ARHGAP32: variants seen among roughly 807,000 people sequenced by gnomAD.
The protein encoded by ARHGAP32 is Rho GTPase activating protein 32.
ARHGAP32 carries 51 observed loss-of-function variants against 186.5 expected under a neutral mutation model. The observed-to-expected ratio is 0.27, with a 90% CI of 0.22 to 0.35. The LOEUF (loss-of-function observed/expected upper bound fraction) is 0.35. ARHGAP32 is among the 10% of genes least tolerant of loss of function. The pLI, the probability that ARHGAP32 is intolerant of heterozygous loss-of-function variation, is 1.00. For synonymous variants in ARHGAP32, 950 were observed against 964.3 expected (o/e 0.99, Z 0.27); for missense variants, 2,186 against 2,623.5 (o/e 0.83, Z 3.64).
chr11:129,232,817 T>C (rs1944876427), intron 1 of ARHGAP32, among the ~76,000 whole-genome samples: 1 of 152,148 alleles, frequency 6.6e-6, no homozygotes, highest in Admixed American at 6.6e-5. Context: ...GAGACAGCAA[T>C]GCATGACCAG....
intron 2 of ARHGAP32, among the ~76,000 whole-genome samples, chr11:129,125,176 C>T (rs542787465): frequency 3.3e-5 from 5 of 151,964 alleles, no homozygotes; most frequent in South Asian, 2.1e-4. Flanking sequence ...TACCTCAATA[C>T]GAATTAAAAT....
At chr11:129,173,599 C>T (rs1021779256) in intron 1 of ARHGAP32, among the ~76,000 whole-genome samples, 1 of 152,198 alleles carries the variant, frequency 6.6e-6, no homozygotes. Flanking sequence ...AATCCAGCAG[C>T]ACATCAAAGA....
intron 1 of ARHGAP32, among the ~76,000 whole-genome samples, chr11:129,264,568 A>G (rs1176920894): frequency 1.3e-5 from 2 of 152,220 alleles, no homozygotes; most frequent in Non-Finnish European, 2.9e-5. Flanking sequence ...GATGTTTATC[A>G]TTTGGTGAAA....
At position 128,965,737 on chromosome 11, in the gene ARHGAP32, T is replaced by C. The variant is rs966374390; in HGVS notation, c.*3170A>G. On this transcript the variant is annotated 3_prime_UTR_variant, in exon 23 of 23. Transcript: ENST00000682385. Reference sequence around the variant, plus strand: ...AGCAGTACTTTGCCAACATCCTAAATGGGTGACTGACAGGGCTGAAAACAG... The same window carrying C: ...AGCAGTACTTTGCCAACATCCTAAACGGGTGACTGACAGGGCTGAAAACAG... The C allele has an allele frequency of 6.6e-6, 1 of 152,230 alleles. No individual in the cohort carries two copies. Among genetic ancestry groups the C allele is most frequent in the African/African-American group, 2.4e-5 (1 of 41,452 alleles). 9.4% of individuals were successfully genotyped at this position (152,230 alleles called of 1,614,324 possible).
In ARHGAP32 at chr11:128,970,083, C is replaced by G; in HGVS notation, c.5130G>C (p.Leu1710=). The change falls in exon 23 of 23, where the codon CTG becomes CTC. Residue 1710 remains leucine (L), a synonymous_variant. Coordinates refer to ENST00000682385, the MANE Select transcript of ARHGAP32 (RefSeq NM_001378024.1). This position sits in a 1 kb window ranked among gnomAD's most constrained non-coding sequence, Gnocchi z 5.8. ...NRDFAFYNPR[L]QGKSLYSYAG... ...CATAACTGTACAAGCTCTTTCCTTG[C>G]AGCCTAGGATTGTAGAAAGCAAAGT... 6.2e-7 allele frequency: 1 copy of G among 1,614,144 alleles called. No homozygotes were observed. Among genetic ancestry groups the G allele is most frequent in the Non-Finnish European group, 8.5e-7 (1 of 1,180,046 alleles).
chr11:129,234,307 T>G (rs891214983), intron 1 of ARHGAP32, among the ~76,000 whole-genome samples: 3 of 152,086 alleles, frequency 2.0e-5, no homozygotes, highest in Non-Finnish European at 4.4e-5. Flanking sequence ...ACACCAATAA[T>G]GTATATACTA....
Position 129,135,776 on chromosome 11 carries a change from C to A in ARHGAP32, c.226-10882G>T, listed in dbSNP as rs540332437. Among the ~76,000 whole-genome samples, 1,426 of 148,898 alleles carry A rather than the reference C, an allele frequency of 9.6e-3. 28 individuals are homozygous for A. Among genetic ancestry groups the A allele is most frequent in the African/African-American group, 0.033 (1,349 of 40,710 alleles). Reference sequence around the variant, plus strand: ...AGCGAGACTCCATCTCAAAAAAAAACAAACAAAAAAAGAATGTTGACCCAA... The same window carrying A: ...AGCGAGACTCCATCTCAAAAAAAAAAAAACAAAAAAAGAATGTTGACCCAA... On this transcript the variant is annotated intron_variant, in intron 2 of 22. Transcript: ENST00000682385.
At chr11:129,056,205 G>A (rs1412390926) in intron 10 of ARHGAP32, among the ~76,000 whole-genome samples, 1 of 152,066 alleles carries the variant, frequency 6.6e-6, no homozygotes, top group Non-Finnish European at 1.5e-5. Context: ...GAGTGGGCAG[G>A]GGTATTACAT....
At chr11:128,981,695 G>T in intron 16 of ARHGAP32, 134 bp from the exon 17 acceptor site, 2 of 1,164,816 alleles carry the variant, frequency 1.7e-6, no homozygotes, top group South Asian at 1.6e-5. Flanking sequence ...AGGCCCAGTT[G>T]CCTGTTTTAG....
Position 128,993,870 on chromosome 11 carries a change from T to G in ARHGAP32, c.1195+4449A>C, listed in dbSNP as rs141475319. 2.7e-3 allele frequency among the ~76,000 whole-genome samples: 406 copies of G among 152,082 alleles called. 1 individual carries two copies. Among genetic ancestry groups the G allele is most frequent in the Admixed American group, 0.013 (203 of 15,262 alleles). ...CCATGCCCAGCTAATTTTTTAAAATTTTTTGTAGAGACACTGTCCCTACAA... is the reference window on the plus strand; with the variant it reads ...CCATGCCCAGCTAATTTTTTAAAATGTTTTGTAGAGACACTGTCCCTACAA... On this transcript the variant is annotated intron_variant, in intron 12 of 22. Transcript: ENST00000682385.
chr11:129,132,204 C>A (rs945237103), intron 2 of ARHGAP32, among the ~76,000 whole-genome samples: 1 of 152,188 alleles, frequency 6.6e-6, no homozygotes, highest in Non-Finnish European at 1.5e-5. Flanking sequence ...GCAGGCTGGG[C>A]GCAGTAGCTC....
At chr11:129,164,579 C>T (rs1262677615) in intron 1 of ARHGAP32, among the ~76,000 whole-genome samples, 152 bp from the exon 2 acceptor site, 1 of 152,144 alleles carries the variant, frequency 6.6e-6, no homozygotes, top group Non-Finnish European at 1.5e-5. Context: ...TTTATTTCTA[C>T]TCTGGCTTTC....
At chr11:129,274,875 A>C (rs1376557071) in intron 1 of ARHGAP32, among the ~76,000 whole-genome samples, 1 of 151,996 alleles carries the variant, frequency 6.6e-6, no homozygotes, top group Non-Finnish European at 1.5e-5. Context: ...ACCCTGGCCT[A>C]ATCAAAACCG....
intron 5 of ARHGAP32, among the ~76,000 whole-genome samples, chr11:129,104,025 T>C (rs543258810): frequency 1.2e-4 from 19 of 152,086 alleles, no homozygotes; most frequent in Non-Finnish European, 2.4e-4. Flanking sequence ...ATGGAACGGT[T>C]TAAGAATATC....
intron 8 of ARHGAP32, 118 bp from the exon 9 acceptor site, chr11:129,064,142 A>AG: frequency 1.1e-6 from 1 of 929,200 alleles, no homozygotes. Context: ...GAGTCTTAAA[A>AG]AAAAAAACTA....
intron 10 of ARHGAP32, among the ~76,000 whole-genome samples, chr11:129,042,955 C>A (rs143309319): frequency 1.3e-5 from 2 of 152,042 alleles, no homozygotes; most frequent in African/African-American, 2.4e-5. Context: ...TAAGCCATGA[C>A]GGATAGAATG....
intron 6 of ARHGAP32, 39 bp downstream of exon 6, chr11:129,093,582 T>C (rs1383652284): frequency 2.8e-6 from 4 of 1,412,348 alleles, no homozygotes; most frequent in Non-Finnish European, 3.0e-6. Context: ...ACCTAATTCT[T>C]AACTTCATAT....
chr11:129,133,018 CCA>C (rs1167069380), intron 2 of ARHGAP32, among the ~76,000 whole-genome samples: 1 of 152,150 alleles, frequency 6.6e-6, no homozygotes, highest in African/African-American at 2.4e-5. Flanking sequence ...GTTCACGATT[CCA>C]CAGGCTGTGT....
At chr11:129,216,179 G>A (rs1366792441) in intron 1 of ARHGAP32, among the ~76,000 whole-genome samples, 2 of 152,060 alleles carry the variant, frequency 1.3e-5, no homozygotes, top group East Asian at 1.9e-4. Context: ...CAAGTCTGTG[G>A]TAATTTGTTG....
Sources: allele counts gnomAD v4.1 joint callset (sites outside exome capture counted in the v4.1 genomes callset), GRCh38; gene constraint gnomAD v4.1.1; non-coding constraint Gnocchi (gnomAD v3.1); transcripts MANE v1.5; gene names NCBI Gene and HGNC (gene_info 2026-07-23, HGNC 2026-07-21).